EP300: variants seen among roughly 807,000 people sequenced by gnomAD.
The protein encoded by EP300 is EP300 lysine acetyltransferase.
EP300 carries 31 observed loss-of-function variants against 264.0 expected under a neutral mutation model. The observed-to-expected ratio is 0.12, with a 90% CI of 0.09 to 0.16. EP300 has a LOEUF of 0.16. Ranked by LOEUF, EP300 falls within the 10% of genes least tolerant of loss-of-function variation. The pLI, the probability that EP300 is intolerant of heterozygous loss-of-function variation, is 1.00. For synonymous variants in EP300, 1,340 were observed against 1,045.4 expected (o/e 1.28, Z -5.44); for missense variants, 2,766 against 3,052.9 (o/e 0.91, Z 2.21).
At chr22:41,141,306 TGTGTAACTATTCTA>T in intron 10 of EP300, 84 bp downstream of exon 10, 1 of 1,450,568 alleles carries the variant, frequency 6.9e-7, no homozygotes. Context: ...TCTGTAAGCT[TGTGTAACTATTCTA>T]GAGTTTTTTA....
intron 1 of EP300, among the ~76,000 whole-genome samples, chr22:41,111,568 G>A (rs941785728): frequency 2.6e-5 from 4 of 151,730 alleles, no homozygotes; most frequent in African/African-American, 9.7e-5. Flanking sequence ...TTGAGACGGA[G>A]TTTTGCTTTT....
intron 1 of EP300, among the ~76,000 whole-genome samples, 174 bp downstream of exon 1, chr22:41,093,272 T>C (rs2058684098): frequency 6.6e-6 from 1 of 152,192 alleles, no homozygotes; most frequent in African/African-American, 2.4e-5. Context: ...CCATTTTCTT[T>C]GCCTCCTAAT....
At chr22:41,109,891 G>A (rs1241557917) in intron 1 of EP300, among the ~76,000 whole-genome samples, 3 of 151,234 alleles carry the variant, frequency 2.0e-5, no homozygotes, top group Admixed American at 6.6e-5. Context: ...TCAGCTAAAC[G>A]GAACTTCTGC....
At chr22:41,136,040 CT>C (rs1347996891) in intron 7 of EP300, 134 bp downstream of exon 7, 1 of 763,054 alleles carries the variant, frequency 1.3e-6, no homozygotes. Context: ...TGAGTCCATT[CT>C]TTCTTTTTTC....
chr22:41,174,992 A>G (rs1194260705), intron 29 of EP300, among the ~76,000 whole-genome samples: 1 of 152,012 alleles, frequency 6.6e-6, no homozygotes, highest in Non-Finnish European at 1.5e-5. Flanking sequence ...CTACGATGTA[A>G]TAATGGTAAT....
intron 25 of EP300, 43 bp downstream of exon 25, chr22:41,168,910 G>A (rs1447754373): frequency 3.1e-6 from 5 of 1,613,660 alleles, no homozygotes; most frequent in Non-Finnish European, 4.2e-6. Flanking sequence ...TTGTGTGGGA[G>A]TTCCAACTTA....
chr22:41,173,893 C>T (rs1182942913), intron 29 of EP300, 109 bp downstream of exon 29: 8 of 1,331,720 alleles, frequency 6.0e-6, no homozygotes, highest in Non-Finnish European at 8.6e-6. Context: ...GGGTGGATCA[C>T]CTGAGGTCAG....
Position 41,093,088 on chromosome 22 carries a change from C to G in EP300, c.84C>G (p.Ser28Arg), listed in dbSNP as rs1443440938. ...CTCCGGCCCTCTCGGCGTCCGCCAG[C>G]GATGGCACAGGTTAGTTTCGGCAGC... ...LSSPALSASA[S>R]DGTDFGSLFD... The change falls in exon 1 of 31, where the codon AGC becomes AGG. Residue 28 changes from serine to arginine, a missense_variant. Physicochemically the swap from Ser to Arg is moderately radical, Grantham distance 110 (BLOSUM62 -1). Transcript: ENST00000263253. 6.2e-7 allele frequency: 1 copy of G among 1,614,126 alleles called. No individual in the cohort carries two copies. The highest frequency in any genetic ancestry group is 8.5e-7 in the Non-Finnish European group (1 of 1,180,020).
At position 41,129,247 on chromosome 22, in the gene EP300, G is replaced by A. The variant is rs1315853953; in HGVS notation, c.1169-643G>A. Reference sequence around the variant, plus strand: ...AGGATGGTCTCTATCTCCTGACCTCGTGATCCGCCCGCCTCGGCCTCCCAA... The same window carrying A: ...AGGATGGTCTCTATCTCCTGACCTCATGATCCGCCCGCCTCGGCCTCCCAA... On this transcript the variant is annotated intron_variant, in intron 4 of 30. Coordinates refer to ENST00000263253, the MANE Select transcript of EP300 (RefSeq NM_001429.4). Among the ~76,000 whole-genome samples the A allele has an allele frequency of 6.6e-5, 10 of 152,072 alleles. 1 individual carries two copies. The East Asian group carries it at 1.6e-3, about 24-fold the overall frequency.
chr22:41,152,768 T>G (rs577809091), intron 16 of EP300, among the ~76,000 whole-genome samples: 1 of 96 alleles, frequency 0.01, no homozygotes, highest in East Asian at 0.25. Context: ...CTTTTCTTTT[T>G]TGTTTGGAAT....
At position 41,147,925 on chromosome 22, in the gene EP300, TCAA is replaced by T. The variant is rs1176556361; in HGVS notation, c.2222_2224del (p.Gln741del). On this transcript the variant is annotated inframe_deletion, in exon 12 of 31. Transcript: ENST00000263253. ...CTCTTCAGCACCATGGACAGTTGGC[TCAA>T]CCTGGAGCTCTCAACCCGGTTAGTT... The T allele has an allele frequency of 6.2e-7, 1 of 1,612,102 alleles. No individual in the cohort carries two copies. Among genetic ancestry groups the T allele is most frequent in the South Asian group, 1.1e-5 (1 of 90,836 alleles).
chr22:41,166,901 G>A (rs1373979466), intron 23 of EP300, among the ~76,000 whole-genome samples: 1 of 152,132 alleles, frequency 6.6e-6, no homozygotes, highest in African/African-American at 2.4e-5. Flanking sequence ...TGTTTTTCCT[G>A]TTCCTATATT....
At chr22:41,160,316 T>C (rs1601626624) in intron 19 of EP300, 1 of 363,814 alleles carries the variant, frequency 2.7e-6, no homozygotes, top group Admixed American at 4.3e-5. Context: ...TGTTCTGTCT[T>C]GCTTTTATGT....
At chr22:41,175,908 ACT>A (rs1401716231) in intron 29 of EP300, among the ~76,000 whole-genome samples, 1 of 152,190 alleles carries the variant, frequency 6.6e-6, no homozygotes, top group Non-Finnish European at 1.5e-5. Flanking sequence ...GGTGAAACTA[ACT>A]CAGCATTCGC....
chr22:41,124,117 G>A (rs1373317522), intron 2 of EP300, among the ~76,000 whole-genome samples: 5 of 152,170 alleles, frequency 3.3e-5, no homozygotes, highest in East Asian at 3.8e-4. Context: ...GTATGGCGGC[G>A]CACGCCTGTA....
chr22:41,140,754 C>T (rs1258990734), intron 9 of EP300, among the ~76,000 whole-genome samples: 4 of 152,082 alleles, frequency 2.6e-5, no homozygotes, highest in Non-Finnish European at 4.4e-5. Context: ...TTCGGGATTG[C>T]GCTGCTGGTG....
intron 20 of EP300, among the ~76,000 whole-genome samples, 153 bp downstream of exon 20, chr22:41,160,875 T>C (rs1489943203): frequency 6.6e-6 from 1 of 152,212 alleles, no homozygotes; most frequent in Non-Finnish European, 1.5e-5. Context: ...TAAATAAAAA[T>C]TGTTTATCAC....
chr22:41,125,941 C>T lies in EP300; in HGVS notation c.807C>T (p.Gly269=), dbSNP rs747069776. 1.2e-6 allele frequency: 2 copies of T among 1,614,156 alleles called. No homozygotes were observed. Among genetic ancestry groups the T allele is most frequent in the Middle Eastern group, 1.6e-4 (1 of 6,062 alleles). Residue 269 remains glycine (G), a synonymous_variant, in exon 3 of 31, where the codon GGC becomes GGT. Transcript: ENST00000263253. ...CTGGACAGCAGATTGGAGCCAGTGG[C>T]CTTGGTCTCCAGATTCAGACAAAAA... The part of the protein sequence containing the change: ...QNPGQQIGAS[G]LGLQIQTKTV...
rs749353769 is a variant in EP300, at chr22:41,096,612, C to CTT, written c.94+3536_94+3537dup. Among the ~76,000 whole-genome samples, 503 of 104,268 alleles carry CTT rather than the reference C, an allele frequency of 4.8e-3. 1 individual carries two copies. The highest frequency in any genetic ancestry group is 0.013 in the Middle Eastern group (2 of 158). 68.4% of individuals were successfully genotyped at this position (104,268 alleles called of 152,430 possible). On this transcript the variant is annotated intron_variant, in intron 1 of 30. Coordinates refer to ENST00000263253, the MANE Select transcript of EP300 (RefSeq NM_001429.4). ...AAGGCTTTTTAAAATGTCAGCTCTACTTTTTTTTTTTTTTTTTTTTTTTGA... is the reference window on the plus strand; with the variant it reads ...AAGGCTTTTTAAAATGTCAGCTCTACTTTTTTTTTTTTTTTTTTTTTTTTTGA...
Sources: allele counts gnomAD v4.1 joint callset (sites outside exome capture counted in the v4.1 genomes callset), GRCh38; gene constraint gnomAD v4.1.1; transcripts MANE v1.5; gene names NCBI Gene and HGNC (gene_info 2026-07-23, HGNC 2026-07-21).